Variants in CCDC148 observed in about 807,000 individuals in gnomAD.
CCDC148 encodes coiled-coil domain-containing protein 148.
A neutral mutation model predicts 85.7 loss-of-function variants in CCDC148; 89 were observed. The ratio of observed to expected loss-of-function variants is 1.04; its 90% CI spans 0.87 to 1.24. The LOEUF (loss-of-function observed/expected upper bound fraction) is 1.24, where lower values mean the gene tolerates loss of function less well. Ranked by LOEUF, CCDC148 falls within the 50% of genes most tolerant of loss-of-function variation. The pLI is 0.00. For missense variants in CCDC148, 692 were observed against 671.7 expected, an observed-to-expected ratio of 1.03 and a Z score of -0.33; for synonymous variants, 230 against 213.9, an observed-to-expected ratio of 1.08 and a Z score of -0.66.
At chr2:158,437,709 A>G (rs1010841004) in intron 1 of CCDC148, among the ~76,000 whole-genome samples, 257 of 152,234 alleles carry the variant, frequency 1.7e-3, no homozygotes, top group African/African-American at 5.6e-3. Flanking sequence ...CAGATGACAT[A>G]ATTGTATATC....
At chr2:158,303,136 C>A (rs1415237925) in intron 9 of CCDC148, among the ~76,000 whole-genome samples, 2 of 152,118 alleles carry the variant, frequency 1.3e-5, no homozygotes, top group African/African-American at 4.8e-5. Context: ...AATTACCCCC[C>A]AAAAGCCCTT....
chr2:158,213,587 CT>C (rs946614976), intron 11 of CCDC148, among the ~76,000 whole-genome samples: 3 of 152,158 alleles, frequency 2.0e-5, no homozygotes, highest in African/African-American at 7.2e-5. Flanking sequence ...AGAAAGGCCC[CT>C]GTGCTTGGAA....
At position 158,358,430 on chromosome 2, in the gene CCDC148, T is replaced by C. The variant is rs907901498; in HGVS notation, c.147+19A>G. The C allele has an allele frequency of 1.3e-5, 20 of 1,595,942 alleles. No individual in the cohort carries two copies. Among genetic ancestry groups the C allele is most frequent in the Non-Finnish European group, 1.5e-5 (18 of 1,175,122 alleles). On this transcript the variant is annotated intron_variant, in intron 2 of 13. Transcript: ENST00000283233. ...GATTTTCTAAAACTAGAAAAACACA[T>C]ACACACACAACTTCTAACCTTTAGC...
intron 7 of CCDC148, among the ~76,000 whole-genome samples, chr2:158,318,150 C>A (rs1692363646): frequency 6.6e-6 from 1 of 152,160 alleles, no homozygotes; most frequent in South Asian, 2.1e-4. Flanking sequence ...CCAGCCCAGG[C>A]CCACTGTCCA....
intron 1 of CCDC148, among the ~76,000 whole-genome samples, chr2:158,408,640 C>T (rs1213747708): frequency 6.6e-6 from 1 of 151,892 alleles, no homozygotes; most frequent in Non-Finnish European, 1.5e-5. Flanking sequence ...TACATATATA[C>T]CACATTTTCT....
At position 158,184,064 on chromosome 2, in the gene CCDC148, C is replaced by T. The variant is rs573911300; in HGVS notation, c.1371-5068G>A. 1.2e-4 allele frequency among the ~76,000 whole-genome samples: 18 copies of T among 152,264 alleles called. No homozygotes were observed. In the South Asian group the frequency reaches 3.5e-3, roughly 30 times the overall value. On this transcript the variant is annotated intron_variant, in intron 11 of 13. Coordinates refer to ENST00000283233, the MANE Select transcript of CCDC148 (RefSeq NM_138803.4). ...AAGACATTCACATTGAAAGGCATCA[C>T]TCCTCTAACCACACGGGCTGGGAGT...
Position 158,278,563 on chromosome 2 carries a change from G to A in CCDC148, c.1111-27651C>T, listed in dbSNP as rs541966141. Among the ~76,000 whole-genome samples, 16 of 152,304 alleles carry A rather than the reference G, an allele frequency of 1.1e-4. No homozygotes were observed. The South Asian group carries it at 2.5e-3, about 24-fold the overall frequency. ...TGAGATCAAACTGCAAGGTGGCAGC[G>A]AGGCTGGGGGAGGGGCGCCCGCCAT... On this transcript the variant is annotated intron_variant, in intron 9 of 13. Transcript: ENST00000283233.
In CCDC148 at chr2:158,365,936, A is replaced by C. The variant is rs1052284486; in HGVS notation, c.26-7366T>G. The C allele has an allele frequency of 3.2e-5, 33 of 1,044,724 alleles. No homozygotes were observed. In the East Asian group the frequency reaches 8.9e-4, roughly 28 times the overall value. 64.7% of individuals were successfully genotyped at this position (1,044,724 alleles called of 1,614,324 possible). A position where few individuals can be genotyped will look rare whatever the true frequency, so the allele number is the denominator to read the frequency against. On this transcript the variant is annotated intron_variant, in intron 1 of 13. Transcript: ENST00000283233. ...CCATTATTAAAATTTTGAAAAATCA[A>C]CATTCCAATTGTGTATCATTTCAAA...
chr2:158,173,928 A>T (rs1483771832), intron 13 of CCDC148, among the ~76,000 whole-genome samples: 2 of 151,588 alleles, frequency 1.3e-5, no homozygotes, highest in Admixed American at 1.3e-4. Context: ...TGAAATGGAG[A>T]TCTCCCCTCT....
chr2:158,194,360 T>C (rs1685564224), intron 11 of CCDC148, among the ~76,000 whole-genome samples: 1 of 152,168 alleles, frequency 6.6e-6, no homozygotes, highest in Non-Finnish European at 1.5e-5. Context: ...TGAATTTGCC[T>C]TTCACAGGCG....
intron 9 of CCDC148, among the ~76,000 whole-genome samples, chr2:158,294,292 T>C (rs997831570): frequency 6.6e-6 from 1 of 152,098 alleles, no homozygotes; most frequent in Non-Finnish European, 1.5e-5. Flanking sequence ...AATATTCCAT[T>C]GTATGGAAGT....
chr2:158,390,885 T>C (rs1004176377), intron 1 of CCDC148, among the ~76,000 whole-genome samples: 11 of 152,178 alleles, frequency 7.2e-5, no homozygotes, highest in African/African-American at 2.7e-4. Flanking sequence ...AATTTGCTAT[T>C]GGCAGAACCA....
intron 11 of CCDC148, among the ~76,000 whole-genome samples, chr2:158,189,581 A>G (rs1200642641): frequency 6.6e-6 from 1 of 151,936 alleles, no homozygotes; most frequent in African/African-American, 2.4e-5. Context: ...AATATTTATG[A>G]TAATATGGTG....
Position 158,213,364 on chromosome 2 carries a change from G to T in CCDC148, c.1370+7231C>A, listed in dbSNP as rs146796160. ...TTAAAACATTAAAATTAGCACAAAGGAGGTAAAATGAGAAAAGCAAGCTAT... is the reference window on the plus strand; with the variant it reads ...TTAAAACATTAAAATTAGCACAAAGTAGGTAAAATGAGAAAAGCAAGCTAT... On this transcript the variant is annotated intron_variant, in intron 11 of 13. Transcript: ENST00000283233. 6.9e-3 allele frequency among the ~76,000 whole-genome samples: 1,054 copies of T among 152,236 alleles called. 7 individuals are homozygous for T. Among genetic ancestry groups the T allele is most frequent in the Non-Finnish European group, 0.012 (814 of 68,016 alleles).
intron 7 of CCDC148, among the ~76,000 whole-genome samples, chr2:158,334,091 C>T (rs1286754926): frequency 2.0e-5 from 3 of 152,144 alleles, no homozygotes; most frequent in African/African-American, 7.2e-5. Context: ...CTTGATATAG[C>T]TCCTGGAGTA....
At chr2:158,254,078 A>T (rs971576396) in intron 9 of CCDC148, among the ~76,000 whole-genome samples, 1 of 151,780 alleles carries the variant, frequency 6.6e-6, no homozygotes. Context: ...ACAAATTACA[A>T]GAATAAAAAT....
chr2:158,407,055 C>G (rs1686059261), intron 1 of CCDC148, among the ~76,000 whole-genome samples: 2 of 152,120 alleles, frequency 1.3e-5, no homozygotes, highest in African/African-American at 2.4e-5. Context: ...TTCTTCCCCA[C>G]TCAGTATTTC....
chr2:158,255,410 C>T (rs545397503), intron 9 of CCDC148, among the ~76,000 whole-genome samples: 7 of 151,710 alleles, frequency 4.6e-5, no homozygotes, highest in African/African-American at 1.7e-4. Flanking sequence ...TAAGGCAAAA[C>T]AACTTTTAAG....
At chr2:158,383,180 G>A (rs1684950020) in intron 1 of CCDC148, among the ~76,000 whole-genome samples, 1 of 151,902 alleles carries the variant, frequency 6.6e-6, no homozygotes, top group Non-Finnish European at 1.5e-5. Context: ...AGCTGGGCAT[G>A]GTGACGTATG....
Sources: allele counts gnomAD v4.1 joint callset (sites outside exome capture counted in the v4.1 genomes callset), GRCh38; gene constraint gnomAD v4.1.1; transcripts MANE v1.5; gene names NCBI Gene and HGNC (gene_info 2026-07-23, HGNC 2026-07-21).